The following GCNT4 variants were observed in gnomAD, a reference collection of about 807,000 sequenced individuals.
GCNT4 encodes beta-1,3-galactosyl-O-glycosyl-glycoprotein beta-1,6-N-acetylglucosaminyltransferase 4.
A neutral mutation model predicts 31.3 loss-of-function variants in GCNT4; 17 were observed. The observed-to-expected ratio is 0.54, with a 90% CI of 0.37 to 0.81. The LOEUF is 0.81. GCNT4 is among the 40% of genes least tolerant of loss of function. The probability of loss-of-function intolerance (pLI) is 0.00; values close to 1 mark genes in which losing one functional copy is unlikely to be tolerated. For synonymous variants in GCNT4, 158 were observed against 190.6 expected, an observed-to-expected ratio of 0.83 and a Z score of 1.41; for missense variants, 503 against 525.5, an observed-to-expected ratio of 0.96 and a Z score of 0.42.
chr5:75,019,098 C>A, the GCNT4 span, among the ~76,000 whole-genome samples: 5 of 152,144 alleles, frequency 3.3e-5, no homozygotes, highest in Non-Finnish European at 7.4e-5. Flanking sequence ...AAATCCTAAC[C>A]CCCAATGTGC....
At chr5:75,036,562 C>G (rs1743205766) in intron 3 of GCNT4, among the ~76,000 whole-genome samples, 2 of 152,200 alleles carry the variant, frequency 1.3e-5, no homozygotes, top group Admixed American at 6.5e-5. Context: ...TTTCTCATTA[C>G]TATGTCTTCT....
At chr5:75,022,322 C>T (rs368669994), downstream of GCNT4, among the ~76,000 whole-genome samples, 28 of 152,242 alleles carry the variant, frequency 1.8e-4, no homozygotes, top group Admixed American at 7.9e-4. Flanking sequence ...ACCTCTTCAA[C>T]AATGTAGAGA....
chr5:75,032,443 T>C (rs1315379555), intron 3 of GCNT4, among the ~76,000 whole-genome samples: 1 of 152,198 alleles, frequency 6.6e-6, no homozygotes, highest in Non-Finnish European at 1.5e-5. Context: ...TCTCAACTTA[T>C]GGCAAGACCA....
chr5:75,046,873 G>A (rs372119711), intron 3 of GCNT4, among the ~76,000 whole-genome samples: 3 of 152,294 alleles, frequency 2.0e-5, no homozygotes, highest in East Asian at 1.9e-4. Context: ...TCTGCCCTTC[G>A]TGCCGTTTCT....
intron 3 of GCNT4, among the ~76,000 whole-genome samples, chr5:75,031,257 G>A (rs139689787): frequency 2.2e-4 from 33 of 152,066 alleles, no homozygotes; most frequent in African/African-American, 7.7e-4. Flanking sequence ...TCTTTAGTAG[G>A]GACGGAGTCT....
chr5:75,024,623 T>C (rs542976211), downstream of GCNT4, among the ~76,000 whole-genome samples: 2 of 152,126 alleles, frequency 1.3e-5, no homozygotes, highest in African/African-American at 4.8e-5. Flanking sequence ...CTGGGGACAC[T>C]GGGGGTGTCT....
At chr5:75,039,744 ACT>A (rs1580242305) in intron 3 of GCNT4, among the ~76,000 whole-genome samples, 1 of 152,080 alleles carries the variant, frequency 6.6e-6, no homozygotes, top group East Asian at 1.9e-4. Context: ...GCTAGCATCA[ACT>A]CTTGCCTAGA....
At chr5:75,036,041 T>A (rs749440774) in intron 3 of GCNT4, among the ~76,000 whole-genome samples, 1 of 152,190 alleles carries the variant, frequency 6.6e-6, no homozygotes, top group Non-Finnish European at 1.5e-5. Flanking sequence ...ACAAAATCTA[T>A]GCACACTCAA....
chr5:75,030,542 G>C (rs907900146), intron 3 of GCNT4: 1 of 168,840 alleles, frequency 5.9e-6, no homozygotes, highest in African/African-American at 2.4e-5. Context: ...TCAGAAAGAA[G>C]GGTGGTGGGC....
downstream of GCNT4, chr5:75,025,334 A>T (rs1376841086): frequency 6.6e-6 from 1 of 152,264 alleles, no homozygotes; most frequent in African/African-American, 2.4e-5. Flanking sequence ...GAAAGCTCAT[A>T]AAGTCCAAGG....
chr5:75,048,975 T>C (rs113101293), intron 2 of GCNT4, among the ~76,000 whole-genome samples: 3,282 of 152,318 alleles, frequency 0.022, 120 homozygotes, highest in African/African-American at 0.073. Flanking sequence ...TAACTGGTCC[T>C]GAGGCCACAC....
chr5:75,052,120 A>G (rs1743584426), intron 2 of GCNT4, 49 bp downstream of exon 2: 1 of 152,078 alleles, frequency 6.6e-6, no homozygotes, highest in African/African-American at 2.4e-5. Context: ...TTTAATAGGG[A>G]CATGTTTTAT....
In GCNT4 at chr5:75,042,358, A is replaced by G. The variant is rs145598615; in HGVS notation, c.-2+5539T>C. On this transcript the variant is annotated intron_variant, in intron 3 of 3. Transcript: ENST00000652361. ...GAAAGAAAATAACTTTCTCCACCTA[A>G]TATCTACATGGTATGCTTTTTTTTC... Among the ~76,000 whole-genome samples, 378 of 152,364 alleles carry G rather than the reference A, an allele frequency of 2.5e-3. 3 individuals are homozygous for G. The highest frequency in any genetic ancestry group is 8.6e-3 in the African/African-American group (359 of 41,592).
intron 3 of GCNT4, among the ~76,000 whole-genome samples, chr5:75,033,481 C>T (rs917070275): frequency 6.6e-6 from 1 of 152,074 alleles, no homozygotes; most frequent in Non-Finnish European, 1.5e-5. Flanking sequence ...AATGGGACAG[C>T]CCAGGCACCT....
the GCNT4 span, among the ~76,000 whole-genome samples, chr5:75,020,253 A>G: frequency 6.6e-6 from 1 of 152,208 alleles, no homozygotes; most frequent in Non-Finnish European, 1.5e-5. Flanking sequence ...GATGCTGTGC[A>G]CGGGGCTCAG....
downstream of GCNT4, among the ~76,000 whole-genome samples, chr5:75,023,085 T>C (rs1281867611): frequency 6.6e-6 from 1 of 152,138 alleles, no homozygotes; most frequent in African/African-American, 2.4e-5. Flanking sequence ...CCAGAAAGAA[T>C]GGATATTAGA....
chr5:75,032,877 GTGTGTGTGTGTGTGTGT>G (rs1743099933), intron 3 of GCNT4, among the ~76,000 whole-genome samples: 73 of 76,606 alleles, frequency 9.5e-4, no homozygotes, highest in Admixed American at 8.5e-3. Context: ...ATAGGGGTGT[GTGTGTGTGTGTGTGTGT>G]GTGTGTGTGT....
chr5:75,028,411 CAAT>C lies in GCNT4; in HGVS notation c.*262_*264del, dbSNP rs748873877. 9 of 433,950 alleles carry C rather than the reference CAAT, an allele frequency of 2.1e-5. No individual in the cohort carries two copies. Among genetic ancestry groups the C allele is most frequent in the Admixed American group, 8.1e-5 (2 of 24,742 alleles). The allele number at this position is 433,950 out of a possible 1,614,324, so 26.9% of individuals were successfully genotyped here. A position where few individuals can be genotyped will look rare whatever the true frequency, so the allele number is the denominator to read the frequency against. ...AGTGCCTGTCATATAGTTAGGTGCT[CAAT>C]AATGTTTGATGACTGACTGAATGTT... On this transcript the variant is annotated 3_prime_UTR_variant, in exon 4 of 4. Coordinates refer to ENST00000652361, the MANE Select transcript of GCNT4 (RefSeq NM_001366737.1).
chr5:75,041,969 C>T (rs903447492), intron 3 of GCNT4, among the ~76,000 whole-genome samples: 2 of 152,130 alleles, frequency 1.3e-5, no homozygotes, highest in African/African-American at 4.8e-5. Flanking sequence ...AAAGAAAATT[C>T]TAAAAAATAT....
Sources: allele counts gnomAD v4.1 joint callset (sites outside exome capture counted in the v4.1 genomes callset), GRCh38; gene constraint gnomAD v4.1.1; transcripts MANE v1.5; gene names NCBI Gene and HGNC (gene_info 2026-07-23, HGNC 2026-07-21).